Variants in NLGN4X observed in about 807,000 individuals in gnomAD.
NLGN4X encodes neuroligin-4, X-linked.
Under a neutral mutation model 40.3 loss-of-function variants are expected in NLGN4X, and 3 were observed. The observed-to-expected ratio is 0.07, with a 90% CI of 0.03 to 0.19. The LOEUF (loss-of-function observed/expected upper bound fraction) is 0.19. Ranked by LOEUF, NLGN4X falls within the 10% of genes least tolerant of loss-of-function variation. NLGN4X has a pLI of 1.00. For synonymous variants in NLGN4X, 270 were observed against 306.8 expected, an observed-to-expected ratio of 0.88 and a Z score of 1.25; for missense variants, 382 against 708.3, an observed-to-expected ratio of 0.54 and a Z score of 5.23.
chrX:5,970,111 C>G (rs1184771667), intron 3 of NLGN4X, among the ~76,000 whole-genome samples: 8 of 109,519 alleles, frequency 7.3e-5, no homozygotes, highest in Admixed American at 6.9e-4. Flanking sequence ...CAAAATGGCA[C>G]ATGTATACAT....
chrX:6,030,152 T>C (rs2036815131), intron 2 of NLGN4X, among the ~76,000 whole-genome samples: 1 of 112,297 alleles, frequency 8.9e-6, no homozygotes, highest in Non-Finnish European at 1.9e-5. Context: ...AAATGCTTTA[T>C]ATTTTCACAG....
intron 2 of NLGN4X, among the ~76,000 whole-genome samples, chrX:6,069,966 G>A (rs1158915756): frequency 8.9e-6 from 1 of 111,755 alleles, no homozygotes; most frequent in Non-Finnish European, 1.9e-5. Context: ...AAGTCTTTAT[G>A]TATTCCCTCA....
chrX:6,044,193 G>A (rs1192316162), intron 2 of NLGN4X, among the ~76,000 whole-genome samples: 1 of 111,751 alleles, frequency 8.9e-6, no homozygotes, highest in Non-Finnish European at 1.9e-5. Flanking sequence ...TGAGGTGGGA[G>A]GACTGCTTGA....
intron 3 of NLGN4X, among the ~76,000 whole-genome samples, chrX:5,924,780 C>T (rs1408747972): frequency 9.2e-6 from 1 of 109,268 alleles, no homozygotes; most frequent in African/African-American, 3.3e-5. Context: ...CTTATGTTCT[C>T]ATTCATAAGT....
chrX:5,914,066 G>A (rs781192789), intron 3 of NLGN4X, among the ~76,000 whole-genome samples: 1 of 111,868 alleles, frequency 8.9e-6, no homozygotes, highest in Non-Finnish European at 1.9e-5. Flanking sequence ...CCAGTCTCAG[G>A]TATGTCTTTA....
At chrX:6,017,808 A>T (rs761388746) in intron 3 of NLGN4X, among the ~76,000 whole-genome samples, 11 of 111,794 alleles carry the variant, frequency 9.8e-5, no homozygotes, top group African/African-American at 3.6e-4. Context: ...TGCAGTGTAC[A>T]TGAAACATTC....
At chrX:6,225,011 T>TATAC (rs1461463258) in intron 1 of NLGN4X, among the ~76,000 whole-genome samples, 68 of 49,543 alleles carry the variant, frequency 1.4e-3, no homozygotes, top group Middle Eastern at 0.011. Context: ...TATATATATA[T>TATAC]ACACACACAC....
At chrX:5,965,427 C>T (rs951427953) in intron 3 of NLGN4X, among the ~76,000 whole-genome samples, 13 of 112,130 alleles carry the variant, frequency 1.2e-4, no homozygotes, top group Non-Finnish European at 2.3e-4. Flanking sequence ...CTTGGAGGCA[C>T]TCTATAGAAT....
intron 2 of NLGN4X, among the ~76,000 whole-genome samples, chrX:6,049,238 AGGGGAG>A (rs1569207626): frequency 0.029 from 84 of 2,936 alleles, 1 homozygote; most frequent in Middle Eastern, 0.083. Flanking sequence ...AGGGGAGGGG[AGGGGAG>A]GGGAGGGGAG....
chrX:6,179,232 T>G (rs1921165372), intron 1 of NLGN4X, among the ~76,000 whole-genome samples: 1 of 111,303 alleles, frequency 9.0e-6, no homozygotes, highest in Non-Finnish European at 1.9e-5. Context: ...TTTGAAGGAC[T>G]AAGCTAAGAG....
At chrX:6,084,776 T>C (rs2038456201) in intron 2 of NLGN4X, among the ~76,000 whole-genome samples, 1 of 110,835 alleles carries the variant, frequency 9.0e-6, no homozygotes, top group Non-Finnish European at 1.9e-5. Context: ...GTTCACTCTC[T>C]TAAGCTCTTT....
At chrX:5,905,806 A>G (rs1365116205) in intron 4 of NLGN4X, among the ~76,000 whole-genome samples, 1 of 111,781 alleles carries the variant, frequency 8.9e-6, no homozygotes, top group Non-Finnish European at 1.9e-5. Flanking sequence ...CAGCCTCCCA[A>G]GTAGCTGGGA....
At chrX:6,110,798 T>C (rs1281587867) in intron 2 of NLGN4X, among the ~76,000 whole-genome samples, 1 of 111,972 alleles carries the variant, frequency 8.9e-6, no homozygotes, top group African/African-American at 3.2e-5. Flanking sequence ...CTCTCGGTCA[T>C]CATTGTGAAG....
At chrX:6,116,921 A>G (rs1463638971) in intron 2 of NLGN4X, among the ~76,000 whole-genome samples, 1 of 111,705 alleles carries the variant, frequency 9.0e-6, no homozygotes, top group African/African-American at 3.3e-5. Context: ...GTGTGTGTTT[A>G]GTGTGTTCTA....
intron 3 of NLGN4X, among the ~76,000 whole-genome samples, chrX:5,972,052 GA>G (rs2035035816): frequency 9.0e-6 from 1 of 111,039 alleles, no homozygotes; most frequent in South Asian, 3.8e-4. Flanking sequence ...TCTCAATAAA[GA>G]ATATCTAACG....
chrX:6,002,564 C>T (rs2035997819), intron 3 of NLGN4X, among the ~76,000 whole-genome samples: 1 of 112,451 alleles, frequency 8.9e-6, no homozygotes, highest in Non-Finnish European at 1.9e-5. Flanking sequence ...TGAACTTCCA[C>T]ACAAACGTGC....
chrX:6,191,751 C>T (rs1381952154), intron 1 of NLGN4X, among the ~76,000 whole-genome samples: 1 of 111,068 alleles, frequency 9.0e-6, no homozygotes, highest in African/African-American at 3.3e-5. Context: ...CCCAGCTACT[C>T]GGGAGGCTGA....
chrX:5,967,739 T>C, intron 3 of NLGN4X, among the ~76,000 whole-genome samples: 1 of 111,009 alleles, frequency 9.0e-6, no homozygotes, highest in South Asian at 3.9e-4. Context: ...TCCCTTTCCT[T>C]TAAGCCTCAA....
intron 2 of NLGN4X, among the ~76,000 whole-genome samples, chrX:6,123,148 G>A (rs1356618673): frequency 2.7e-5 from 3 of 111,567 alleles, no homozygotes; most frequent in Non-Finnish European, 3.8e-5. Flanking sequence ...TAAATAATAC[G>A]TTGATTTAAA....
Sources: allele counts gnomAD v4.1 joint callset (sites outside exome capture counted in the v4.1 genomes callset), GRCh38; gene constraint gnomAD v4.1.1; transcripts MANE v1.5; gene names NCBI Gene and HGNC (gene_info 2026-07-23, HGNC 2026-07-21).